ATP8A2: variants seen among roughly 807,000 people sequenced by gnomAD.
ATP8A2 encodes the protein ATPase phospholipid transporting 8A2, also known as phospholipid-transporting ATPase IB.
A neutral mutation model predicts 165.6 loss-of-function variants in ATP8A2; 100 were observed. The observed-to-expected ratio is 0.60, with a 90% CI of 0.51 to 0.71. The LOEUF is 0.71. Among genes scored for constraint, ATP8A2 ranks in the 30% least tolerant of loss-of-function variants. The pLI is 0.00. For missense variants in ATP8A2, 1,227 were observed against 1,479.5 expected (o/e 0.83, Z 2.80); for synonymous variants, 543 against 548.8 (o/e 0.99, Z 0.15).
rs112943263 is a variant in ATP8A2, at chr13:25,496,617, C to T, written c.221+27496C>T. Among the ~76,000 whole-genome samples, 355 of 152,224 alleles carry T rather than the reference C, an allele frequency of 2.3e-3. 4 individuals carry two copies. The highest frequency in any genetic ancestry group is 7.7e-3 in the African/African-American group (320 of 41,530). ...GATGAGCATAGTGCCCAGAACACTT[C>T]GGGTTTTCAGGAAATGTTGTTTTCC... On this transcript the variant is annotated intron_variant, in intron 2 of 36. Coordinates refer to ENST00000381655, the MANE Select transcript of ATP8A2 (RefSeq NM_016529.6).
chr13:25,975,590 A>T (rs1362964670), intron 35 of ATP8A2, among the ~76,000 whole-genome samples: 1 of 152,144 alleles, frequency 6.6e-6, no homozygotes, highest in East Asian at 1.9e-4. Context: ...TCGAAAAAAA[A>T]AAAAGAAGTT....
chr13:25,412,938 C>T (rs546347243), intron 1 of ATP8A2, among the ~76,000 whole-genome samples: 1 of 152,310 alleles, frequency 6.6e-6, no homozygotes, highest in East Asian at 1.9e-4. Context: ...CTGCCTCAGC[C>T]TCCTGAGTAG....
chr13:25,765,443 G>T (rs1294243053), intron 25 of ATP8A2, among the ~76,000 whole-genome samples: 1 of 152,126 alleles, frequency 6.6e-6, no homozygotes, highest in East Asian at 1.9e-4. Flanking sequence ...CTGGCAACTT[G>T]GTATACTAAA....
At chr13:25,720,263 G>A (rs9511889) in intron 25 of ATP8A2, among the ~76,000 whole-genome samples, 1 of 147,272 alleles carries the variant, frequency 6.8e-6, no homozygotes, top group East Asian at 2.0e-4. Flanking sequence ...CACCTCCCAG[G>A]TTCATGCCAT....
At chr13:25,722,430 G>T (rs1169319980) in intron 25 of ATP8A2, among the ~76,000 whole-genome samples, 1 of 152,142 alleles carries the variant, frequency 6.6e-6, no homozygotes. Context: ...ATTTTGCTGG[G>T]GTTACAGGTA....
intron 29 of ATP8A2, among the ~76,000 whole-genome samples, chr13:25,837,897 G>T (rs1306497404): frequency 1.3e-5 from 2 of 152,202 alleles, no homozygotes; most frequent in Non-Finnish European, 2.9e-5. Flanking sequence ...GCTGGGTGGG[G>T]TGTTAAAGGG....
At chr13:25,826,594 C>G (rs1312022400) in intron 27 of ATP8A2, among the ~76,000 whole-genome samples, 1 of 152,132 alleles carries the variant, frequency 6.6e-6, no homozygotes, top group Non-Finnish European at 1.5e-5. Context: ...GAGTTGACCT[C>G]AACTCTGGTT....
intron 35 of ATP8A2, among the ~76,000 whole-genome samples, chr13:26,003,606 A>G (rs1414771392): frequency 6.6e-6 from 1 of 152,154 alleles, no homozygotes; most frequent in African/African-American, 2.4e-5. Flanking sequence ...TGTCCAGACC[A>G]GTGTCATAGA....
chr13:25,459,972 T>C (rs1427544954), intron 1 of ATP8A2, among the ~76,000 whole-genome samples: 11 of 152,026 alleles, frequency 7.2e-5, no homozygotes. Flanking sequence ...GAGGCCGAGG[T>C]GGGCGGATCA....
At chr13:25,995,316 A>G (rs1323804751) in intron 35 of ATP8A2, among the ~76,000 whole-genome samples, 1 of 150,692 alleles carries the variant, frequency 6.6e-6, no homozygotes, top group Non-Finnish European at 1.5e-5. Flanking sequence ...TTTTTAACCT[A>G]TCAGTTTTTA....
intron 2 of ATP8A2, among the ~76,000 whole-genome samples, chr13:25,489,797 G>A (rs2036467370): frequency 6.6e-6 from 1 of 152,212 alleles, no homozygotes; most frequent in Admixed American, 6.5e-5. Flanking sequence ...GATGTATTGT[G>A]TAGTGTTGAT....
intron 1 of ATP8A2, among the ~76,000 whole-genome samples, chr13:25,434,591 C>T (rs923250298): frequency 2.6e-5 from 4 of 152,118 alleles, no homozygotes; most frequent in East Asian, 1.9e-4. Flanking sequence ...TCAAGTGATC[C>T]GCCTGCTTCG....
intron 33 of ATP8A2, among the ~76,000 whole-genome samples, chr13:25,879,133 C>T (rs974207105): frequency 6.6e-6 from 1 of 152,212 alleles, no homozygotes; most frequent in African/African-American, 2.4e-5. Context: ...AGAATCAGGA[C>T]TTTGTGTATC....
At chr13:25,766,191 A>G (rs756044707) in intron 25 of ATP8A2, among the ~76,000 whole-genome samples, 2 of 152,196 alleles carry the variant, frequency 1.3e-5, no homozygotes, top group Non-Finnish European at 2.9e-5. Context: ...TTAAAGAGTG[A>G]TTAATATAAT....
At chr13:26,012,403 G>C (rs930135647) in intron 35 of ATP8A2, 128 bp from the exon 36 acceptor site, 1 of 709,892 alleles carries the variant, frequency 1.4e-6, no homozygotes, top group African/African-American at 1.9e-5. Context: ...CGGGCCGCTG[G>C]TGAAGCACCA....
intron 2 of ATP8A2, 58 bp downstream of exon 2, chr13:25,469,179 T>C: frequency 6.3e-7 from 1 of 1,587,298 alleles, no homozygotes. Flanking sequence ...GGGAAGGGGC[T>C]CGTCCTCCTG....
chr13:25,759,971 C>T lies in ATP8A2; in HGVS notation c.2385-9075C>T, dbSNP rs181463013. ...ACATGCGATAAAATTGTCACAGACGCAAGTACCGATGCATAAATTCTGAAC... is the reference window on the plus strand; with the variant it reads ...ACATGCGATAAAATTGTCACAGACGTAAGTACCGATGCATAAATTCTGAAC... On this transcript the variant is annotated intron_variant, in intron 25 of 36. Coordinates refer to ENST00000381655, the MANE Select transcript of ATP8A2 (RefSeq NM_016529.6). Among the ~76,000 whole-genome samples, 77 of 152,258 alleles carry T rather than the reference C, an allele frequency of 5.1e-4. 1 individual carries two copies. The South Asian group carries it at 5.6e-3, about 11-fold the overall frequency.
intron 33 of ATP8A2, among the ~76,000 whole-genome samples, chr13:25,942,272 A>G (rs930979229): frequency 2.6e-5 from 4 of 152,064 alleles, no homozygotes; most frequent in Admixed American, 6.5e-5. Flanking sequence ...TCCTGAACAT[A>G]TCTATTTGTG....
intron 25 of ATP8A2, among the ~76,000 whole-genome samples, chr13:25,720,427 G>A (rs1269423964): frequency 6.6e-6 from 1 of 152,068 alleles, no homozygotes; most frequent in Non-Finnish European, 1.5e-5. Flanking sequence ...CTCCCAAAGT[G>A]CTGGGATTAC....
Sources: gnomAD v4.1 joint callset for allele counts (sites outside exome capture counted in the v4.1 genomes callset) on GRCh38, gnomAD v4.1.1 for gene constraint, MANE v1.5 for transcripts, NCBI Gene and HGNC (gene_info 2026-07-23, HGNC 2026-07-21) for gene names.